The following TFAM variants were observed in gnomAD, a reference collection of about 807,000 sequenced individuals.
TFAM encodes transcription factor A, mitochondrial.
Under a neutral mutation model 30.6 loss-of-function variants are expected in TFAM, and 13 were observed. The ratio of observed to expected loss-of-function variants is 0.42; its 90% confidence interval spans 0.28 to 0.67. TFAM has a LOEUF of 0.67. Among genes scored for constraint, TFAM ranks in the 30% least tolerant of loss-of-function variants. The probability of loss-of-function intolerance (pLI) is 0.21; values close to 1 mark genes in which losing one functional copy is unlikely to be tolerated. For missense variants in TFAM, 231 were observed against 293.7 expected (o/e 0.79, Z 1.56); for synonymous variants, 106 against 94.8 (o/e 1.12, Z -0.69).
Position 58,386,035 on chromosome 10 carries a change from T to A in TFAM, c.102-185T>A, listed in dbSNP as rs3900887. Among the ~76,000 whole-genome samples, 22,959 of 152,170 alleles carry A rather than the reference T, an allele frequency of 0.15. 1,728 individuals are homozygous for A. The highest frequency in any genetic ancestry group is 0.16 in the Non-Finnish European group (11,176 of 67,978). On this transcript the variant is annotated intron_variant, in intron 1 of 6. Coordinates refer to ENST00000487519, the MANE Select transcript of TFAM (RefSeq NM_003201.3). Reference sequence around the variant, plus strand: ...TCCTAGGAGGTAAGGGCTTTGAGACTTCAGTCCTGCAGACGCTCCCCTCCG... The same window carrying A: ...TCCTAGGAGGTAAGGGCTTTGAGACATCAGTCCTGCAGACGCTCCCCTCCG...
In TFAM at chr10:58,398,264, T is replaced by C. The variant is rs948234312; in HGVS notation, c.*3190T>C. 3 of 152,214 alleles carry C rather than the reference T, an allele frequency of 2.0e-5. No homozygotes were observed. Among genetic ancestry groups the C allele is most frequent in the Admixed American group, 6.5e-5 (1 of 15,284 alleles). 9.4% of individuals were successfully genotyped at this position (152,214 alleles called of 1,614,324 possible). On this transcript the variant is annotated 3_prime_UTR_variant, in exon 7 of 7. Transcript: ENST00000487519. ...CTTTTCTTAATTTCATCCAACAAAG[T>C]AGTTGCTGTAGGAGCTGAGTGTTAG...
chr10:58,394,561 T>C, intron 6 of TFAM, 147 bp downstream of exon 6: 1 of 844,378 alleles, frequency 1.2e-6, no homozygotes, highest in South Asian at 1.4e-5. Flanking sequence ...TCAGAACCAG[T>C]TTGGCATTTT....
intron 5 of TFAM, among the ~76,000 whole-genome samples, chr10:58,392,795 C>T (rs1840620749): frequency 6.6e-6 from 1 of 151,886 alleles, no homozygotes; most frequent in Non-Finnish European, 1.5e-5. Flanking sequence ...CCACCTCAAC[C>T]TCTTGAGTAG....
intron 2 of TFAM, 33 bp downstream of exon 2, chr10:58,386,371 A>C: frequency 3.5e-6 from 5 of 1,449,122 alleles, no homozygotes; most frequent in African/African-American, 2.8e-5. Flanking sequence ...CCCTTTTCTC[A>C]TGTAATAAAA....
intron 4 of TFAM, among the ~76,000 whole-genome samples, chr10:58,390,380 A>G (rs1027649736): frequency 6.6e-6 from 1 of 152,184 alleles, no homozygotes. Context: ...CAAATAGTCC[A>G]TTGTTCTTGG....
In TFAM at chr10:58,394,910, A is replaced by C; in HGVS notation, c.595-18A>C. 1 of 1,606,224 alleles carries C rather than the reference A, an allele frequency of 6.2e-7. No homozygotes were observed. Among genetic ancestry groups the C allele is most frequent in the Non-Finnish European group, 8.5e-7 (1 of 1,174,872 alleles). On this transcript the variant is annotated intron_variant, in intron 6 of 6. Coordinates refer to ENST00000487519, the MANE Select transcript of TFAM (RefSeq NM_003201.3). Reference sequence around the variant, plus strand: ...CAAAAAATAAGTAAATCATTTTAACAGTTATGCTTTTTCTCAGTTATATAT... The same window carrying C: ...CAAAAAATAAGTAAATCATTTTAACCGTTATGCTTTTTCTCAGTTATATAT...
At position 58,395,043 on chromosome 10, in the gene TFAM, AAC is replaced by A; in HGVS notation, c.712_713del (p.Gln238ThrfsTer6). ...GATCTTCTACGTCGCACAATAAAGAAACAACGAAAATATGGTGCTGAGGAGTG... is the reference window on the plus strand; with the variant it reads ...GATCTTCTACGTCGCACAATAAAGAAAACGAAAATATGGTGCTGAGGAGTG... On this transcript the variant is annotated frameshift_variant, in exon 7 of 7. Coordinates refer to ENST00000487519, the MANE Select transcript of TFAM (RefSeq NM_003201.3). LOFTEE classifies it low-confidence loss of function (END_TRUNC). 6.2e-7 allele frequency: 1 copy of A among 1,613,692 alleles called. No homozygotes were observed. The highest frequency in any genetic ancestry group is 8.5e-7 in the Non-Finnish European group (1 of 1,179,716).
In TFAM at chr10:58,394,971, A is replaced by G. The variant is rs372832206; in HGVS notation, c.638A>G (p.Asn213Ser). The stretch of plus-strand genomic sequence containing the variant: ...AAAGAGGACGAAACTCGTTATCATA[A>G]TGAAATGAAGTCTTGGGAAGAACAA... The part of the protein sequence containing the change: ...HAKEDETRYH[N>S]EMKSWEEQMI... Residue 213 changes from asparagine to serine, a missense_variant, in exon 7 of 7, where the codon AAT (asparagine) becomes AGT (serine). By Grantham distance (46) the Asn-to-Ser change is conservative (BLOSUM62 1). Coordinates refer to ENST00000487519, the MANE Select transcript of TFAM (RefSeq NM_003201.3). 3 of 1,613,692 alleles carry G rather than the reference A, an allele frequency of 1.9e-6. No homozygotes were observed. Among genetic ancestry groups the G allele is most frequent in the African/African-American group, 2.7e-5 (2 of 74,932 alleles).
chr10:58,386,161 A>T (rs914680286), intron 1 of TFAM, 59 bp from the exon 2 acceptor site: 4 of 1,067,544 alleles, frequency 3.7e-6, no homozygotes, highest in South Asian at 1.2e-5. Flanking sequence ...GTTCATATAC[A>T]TGTGAATATT....
rs751758908 is a variant in TFAM at position 58,388,822 on chromosome 10, G to A, written c.441+3G>A. ...GGAAAGCTATGACAAAAAAAAAAGT[G>A]AGTATCATTGAAATACTTTTTTCTT... On this transcript the variant is annotated splice_donor_region_variant and intron_variant, in intron 4 of 6. Coordinates refer to ENST00000487519, the MANE Select transcript of TFAM (RefSeq NM_003201.3). 1 of 1,597,416 alleles carries A rather than the reference G, an allele frequency of 6.3e-7. No homozygotes were observed. The highest frequency in any genetic ancestry group is 8.6e-7 in the Non-Finnish European group (1 of 1,168,706).
In TFAM at chr10:58,396,276, A is replaced by G. The variant is rs1023791439; in HGVS notation, c.*1202A>G. 2.0e-5 allele frequency: 3 copies of G among 152,190 alleles called. No individual in the cohort carries two copies. The highest frequency in any genetic ancestry group is 4.8e-5 in the African/African-American group (2 of 41,452). The allele number at this position is 152,190 out of a possible 1,614,324, so 9.4% of individuals were successfully genotyped here. A position where few individuals can be genotyped will look rare whatever the true frequency, so the allele number is the denominator to read the frequency against. On this transcript the variant is annotated 3_prime_UTR_variant, in exon 7 of 7. Transcript: ENST00000487519. Reference sequence around the variant, plus strand: ...TTTATCAACCCATGGTCTATAGTATAGTGTGATATGACTACTGTTCCAATG... The same window carrying G: ...TTTATCAACCCATGGTCTATAGTATGGTGTGATATGACTACTGTTCCAATG...
chr10:58,390,088 A>G (rs1840563501), intron 4 of TFAM, among the ~76,000 whole-genome samples: 1 of 152,216 alleles, frequency 6.6e-6, no homozygotes, highest in African/African-American at 2.4e-5. Context: ...ACTTACAGTT[A>G]TGAATAAAAG....
Position 58,395,970 on chromosome 10 carries a change from A to G in TFAM, c.*896A>G. ...TAACGTATAAAAGCCTGTTTAAGAGACAGCCAACTATGGCCTGTGGATCAA... is the reference window on the plus strand; with the variant it reads ...TAACGTATAAAAGCCTGTTTAAGAGGCAGCCAACTATGGCCTGTGGATCAA... On this transcript the variant is annotated 3_prime_UTR_variant, in exon 7 of 7. Transcript: ENST00000487519. 5.4e-6 allele frequency: 1 copy of G among 184,402 alleles called. No homozygotes were observed. Among genetic ancestry groups the G allele is most frequent in the Non-Finnish European group, 1.1e-5 (1 of 89,940 alleles). The allele number at this position is 184,402 out of a possible 1,614,324, so 11.4% of individuals were successfully genotyped here. A position where few individuals can be genotyped will look rare whatever the true frequency, so the allele number is the denominator to read the frequency against.
Position 58,395,232 on chromosome 10 carries a change from C to CT in TFAM, c.*160dup. ...CTCATGGACTTCTGCCAGCATAATA[C>CT]TTGCTTTGGAAAACCCAGATAAAGG... On this transcript the variant is annotated 3_prime_UTR_variant, in exon 7 of 7. Coordinates refer to ENST00000487519, the MANE Select transcript of TFAM (RefSeq NM_003201.3). The CT allele has an allele frequency of 1.3e-6, 1 of 774,020 alleles. No individual in the cohort carries two copies. The allele number at this position is 774,020 out of a possible 1,614,324, so 47.9% of individuals were successfully genotyped here.
rs945542633 is a variant in TFAM at position 58,395,420 on chromosome 10, G to T, written c.*346G>T. On this transcript the variant is annotated 3_prime_UTR_variant, in exon 7 of 7. Coordinates refer to ENST00000487519, the MANE Select transcript of TFAM (RefSeq NM_003201.3). ...TACTCTTGTTTCCTTATATTATGGAGGCAGGAGTTTCGTTTTCAAAATTGT... is the reference window on the plus strand; with the variant it reads ...TACTCTTGTTTCCTTATATTATGGATGCAGGAGTTTCGTTTTCAAAATTGT... 2 of 289,764 alleles carry T rather than the reference G, an allele frequency of 6.9e-6. No homozygotes were observed. Among genetic ancestry groups the T allele is most frequent in the Admixed American group, 4.8e-5 (1 of 20,824 alleles). 17.9% of individuals were successfully genotyped at this position (289,764 alleles called of 1,614,324 possible).
intron 4 of TFAM, 104 bp downstream of exon 4, chr10:58,388,923 A>G: frequency 9.2e-7 from 1 of 1,085,092 alleles, no homozygotes; most frequent in South Asian, 1.4e-5. Flanking sequence ...ATATGGTAGA[A>G]TGTCATCAAG....
rs1037267796 is a variant in TFAM, at chr10:58,397,880, C to T, written c.*2806C>T. ...CTGGGCTCAAGTGATCCTTCCGAGT[C>T]GTTGGGACTACAGTAGGTGAACACC... On this transcript the variant is annotated 3_prime_UTR_variant, in exon 7 of 7. Transcript: ENST00000487519. The T allele has an allele frequency of 1.3e-5, 2 of 151,638 alleles. No individual in the cohort carries two copies. The highest frequency in any genetic ancestry group is 3.9e-4 in the East Asian group (2 of 5,152). The allele number at this position is 151,638 out of a possible 1,614,324, so 9.4% of individuals were successfully genotyped here.
chr10:58,390,141 A>G (rs1840564394), intron 4 of TFAM, among the ~76,000 whole-genome samples: 1 of 152,256 alleles, frequency 6.6e-6, no homozygotes, highest in East Asian at 1.9e-4. Flanking sequence ...ATTAAGAGCC[A>G]CAGAATTTTG....
At chr10:58,389,464 A>G (rs774579517) in intron 4 of TFAM, among the ~76,000 whole-genome samples, 15 of 152,158 alleles carry the variant, frequency 9.9e-5, no homozygotes, top group Non-Finnish European at 1.6e-4. Context: ...TCGTGTACCT[A>G]CACTATTACA....
Sources: allele counts gnomAD v4.1 joint callset (sites outside exome capture counted in the v4.1 genomes callset), GRCh38; gene constraint gnomAD v4.1.1; transcripts MANE v1.5; gene names NCBI Gene and HGNC (gene_info 2026-07-23, HGNC 2026-07-21).